PPP2R2B: variants seen among roughly 807,000 people sequenced by gnomAD.
PPP2R2B encodes the protein serine/threonine-protein phosphatase 2A 55 kDa regulatory subunit B beta isoform.
Under a neutral mutation model 46.0 loss-of-function variants are expected in PPP2R2B, and 5 were observed. That is an observed-to-expected ratio of 0.11 (90% confidence interval 0.06 to 0.23). PPP2R2B has a LOEUF of 0.23. PPP2R2B is among the 10% of genes least tolerant of loss of function. PPP2R2B has a pLI of 1.00. For missense variants in PPP2R2B, 367 were observed against 575.0 expected, an observed-to-expected ratio of 0.64 and a Z score of 3.70; for synonymous variants, 215 against 206.7, an observed-to-expected ratio of 1.04 and a Z score of -0.34.
upstream of PPP2R2B, among the ~76,000 whole-genome samples, chr5:147,059,421 T>G (rs1002433351): frequency 6.6e-6 from 1 of 152,170 alleles, no homozygotes; most frequent in South Asian, 2.1e-4. Context: ...GTGGCATTAG[T>G]CTCGGATATA....
intron 1 of PPP2R2B, among the ~76,000 whole-genome samples, chr5:146,976,543 C>A (rs1448637870): frequency 6.6e-6 from 1 of 152,090 alleles, no homozygotes; most frequent in Admixed American, 6.6e-5. Flanking sequence ...TTTTCCCCAG[C>A]TGATTAGCCA....
At chr5:146,932,043 T>C (rs1365301254) in intron 1 of PPP2R2B, among the ~76,000 whole-genome samples, 3 of 152,172 alleles carry the variant, frequency 2.0e-5, no homozygotes, top group Admixed American at 1.3e-4. Flanking sequence ...CAGGAGAATT[T>C]CAAACTCTTT....
chr5:147,080,214 T>A (rs1486950485), intron 2 of PPP2R2B, among the ~76,000 whole-genome samples: 1 of 152,188 alleles, frequency 6.6e-6, no homozygotes, highest in Non-Finnish European at 1.5e-5. Context: ...TTTATGCATG[T>A]TAGTTTGAGT....
chr5:146,800,176 T>C (rs1468625444), intron 2 of PPP2R2B, among the ~76,000 whole-genome samples: 12 of 152,112 alleles, frequency 7.9e-5, no homozygotes. Flanking sequence ...AATGAGAGGA[T>C]TTTCTGTAAT....
intron 6 of PPP2R2B, among the ~76,000 whole-genome samples, chr5:146,642,203 A>G (rs1775268567): frequency 6.6e-6 from 1 of 152,196 alleles, no homozygotes; most frequent in African/African-American, 2.4e-5. Flanking sequence ...AGGTGAGGGC[A>G]CCGCTGTGCC....
intron 2 of PPP2R2B, among the ~76,000 whole-genome samples, chr5:146,787,297 G>A (rs1263511109): frequency 1.3e-5 from 2 of 152,150 alleles, no homozygotes; most frequent in Admixed American, 1.3e-4. Flanking sequence ...AGCTAACTGT[G>A]GTCATGAAGG....
Position 146,709,940 on chromosome 5 carries a change from A to T in PPP2R2B, c.71-8798T>A, listed in dbSNP as rs1034417145. On this transcript the variant is annotated intron_variant, in intron 2 of 9. Transcript: ENST00000394411. ...ATAGCACTTTGCACAGGGCCAGGTT[A>T]TTAATGCATGTTGAGTTGGAAACTC... 6.6e-5 allele frequency among the ~76,000 whole-genome samples: 10 copies of T among 152,196 alleles called. No individual in the cohort carries two copies. In the East Asian group the frequency reaches 1.9e-3, roughly 29 times the overall value.
chr5:146,730,729 T>C (rs1752175901), intron 2 of PPP2R2B, among the ~76,000 whole-genome samples: 1 of 152,210 alleles, frequency 6.6e-6, no homozygotes, highest in Admixed American at 6.5e-5. Flanking sequence ...CCTCCTGACA[T>C]GCTTCTGAGG....
intron 2 of PPP2R2B, among the ~76,000 whole-genome samples, chr5:146,875,255 T>C (rs1376415915): frequency 6.6e-6 from 1 of 152,102 alleles, no homozygotes; most frequent in Non-Finnish European, 1.5e-5. Flanking sequence ...GCTTGGAACA[T>C]AGAAGATGCT....
At chr5:146,892,543 T>G (rs1486168638) in intron 1 of PPP2R2B, among the ~76,000 whole-genome samples, 1 of 152,158 alleles carries the variant, frequency 6.6e-6, no homozygotes, top group Non-Finnish European at 1.5e-5. Flanking sequence ...CTCATGTAAC[T>G]TCTTAAGATC....
intron 2 of PPP2R2B, among the ~76,000 whole-genome samples, chr5:146,723,932 T>G (rs1751684490): frequency 1.3e-5 from 2 of 152,170 alleles, no homozygotes; most frequent in Non-Finnish European, 2.9e-5. Flanking sequence ...CCTTTGACTA[T>G]TTTGTCTGTT....
Position 146,688,987 on chromosome 5 carries a change from C to T in PPP2R2B, c.447+2141G>A, listed in dbSNP as rs543680672. Among the ~76,000 whole-genome samples, 4 of 151,990 alleles carry T rather than the reference C, an allele frequency of 2.6e-5. No individual in the cohort carries two copies. In the South Asian group the frequency reaches 6.2e-4, roughly 24 times the overall value. On this transcript the variant is annotated intron_variant, in intron 5 of 9. Coordinates refer to ENST00000394411, the MANE Select transcript of PPP2R2B (RefSeq NM_181675.4). ...CAATATATTGCCAGTACGGTGTTTG[C>T]CACTTAGTAAATCTCAGTGAGTAGT...
chr5:146,950,110 G>C (rs1477309941), intron 1 of PPP2R2B, among the ~76,000 whole-genome samples: 2 of 152,026 alleles, frequency 1.3e-5, no homozygotes, highest in African/African-American at 4.8e-5. Flanking sequence ...ATAGCTAAAA[G>C]GATATAATTG....
intron 1 of PPP2R2B, among the ~76,000 whole-genome samples, chr5:146,985,202 G>T (rs1028583666): frequency 1.3e-5 from 2 of 151,618 alleles, no homozygotes; most frequent in African/African-American, 2.4e-5. Context: ...TGTGTTTTTA[G>T]TAGAGACAGG....
chr5:147,066,501 C>A (rs1231754626), intron 2 of PPP2R2B, among the ~76,000 whole-genome samples: 2 of 152,170 alleles, frequency 1.3e-5, no homozygotes, highest in African/African-American at 4.8e-5. Flanking sequence ...CTTTCTGGAA[C>A]CTGTGCTCTT....
chr5:147,015,763 TATAAA>T (rs1404597859), intron 1 of PPP2R2B, among the ~76,000 whole-genome samples: 6 of 149,644 alleles, frequency 4.0e-5, no homozygotes, highest in African/African-American at 7.3e-5. Context: ...TATAATATAA[TATAAA>T]ATAATGTAAT....
chr5:147,015,548 A>G (rs1223180328), intron 1 of PPP2R2B, among the ~76,000 whole-genome samples: 1 of 151,558 alleles, frequency 6.6e-6, no homozygotes, highest in African/African-American at 2.4e-5. Context: ...TGATTCCTCC[A>G]GCAGGAAACC....
At chr5:146,887,419 C>A (rs1159834162) in intron 1 of PPP2R2B, among the ~76,000 whole-genome samples, 1 of 151,922 alleles carries the variant, frequency 6.6e-6, no homozygotes, top group Non-Finnish European at 1.5e-5. Flanking sequence ...AAAACCAAAC[C>A]AAATAACATT....
intron 2 of PPP2R2B, among the ~76,000 whole-genome samples, chr5:146,747,152 A>G (rs1753244486): frequency 6.6e-6 from 1 of 152,210 alleles, no homozygotes; most frequent in African/African-American, 2.4e-5. Context: ...AGGAAAAAAA[A>G]GGTCCAGTAC....
Sources: gnomAD v4.1 joint callset for allele counts (sites outside exome capture counted in the v4.1 genomes callset) on GRCh38, gnomAD v4.1.1 for gene constraint, MANE v1.5 for transcripts, NCBI Gene and HGNC (gene_info 2026-07-23, HGNC 2026-07-21) for gene names.